The following TDRD7 variants were observed in gnomAD, a reference collection of about 807,000 sequenced individuals.
TDRD7 encodes tudor domain-containing protein 7.
In TDRD7, 47 loss-of-function variants were observed where a neutral mutation model predicts 109.8. The observed-to-expected ratio is 0.43, with a 90% CI of 0.34 to 0.55. TDRD7 has a LOEUF of 0.55. TDRD7 is among the 20% of genes least tolerant of loss of function. TDRD7 has a pLI of 0.03. For missense variants in TDRD7, 1,164 were observed against 1,319.2 expected, an observed-to-expected ratio of 0.88 and a Z score of 1.82; for synonymous variants, 424 against 457.3, an observed-to-expected ratio of 0.93 and a Z score of 0.93.
intron 8 of TDRD7, among the ~76,000 whole-genome samples, chr9:97,469,975 T>C (rs777110090): frequency 7.2e-5 from 11 of 152,154 alleles, no homozygotes; most frequent in Non-Finnish European, 1.5e-4. Context: ...GCCTGTTTTT[T>C]AGTTTAGAAT....
chr9:97,487,410 A>C (rs1829230115), intron 16 of TDRD7, 78 bp downstream of exon 16: 7 of 1,593,400 alleles, frequency 4.4e-6, no homozygotes, highest in Non-Finnish European at 6.0e-6. Flanking sequence ...GCAAGTACTG[A>C]ATCATTGGCC....
At chr9:97,444,588 G>A (rs1399757483) in intron 6 of TDRD7, among the ~76,000 whole-genome samples, 2 of 152,216 alleles carry the variant, frequency 1.3e-5, no homozygotes, top group Admixed American at 6.5e-5. Flanking sequence ...TCTCAAGGCA[G>A]TGCAAAAAGT....
chr9:97,483,389 G>A (rs1829156888), intron 15 of TDRD7, 38 bp downstream of exon 15: 1 of 1,608,038 alleles, frequency 6.2e-7, no homozygotes, highest in South Asian at 1.1e-5. Context: ...CTACTCCTAA[G>A]AAAAATGTGT....
chr9:97,485,298 T>G (rs1829193980), intron 15 of TDRD7, among the ~76,000 whole-genome samples: 1 of 152,194 alleles, frequency 6.6e-6, no homozygotes, highest in South Asian at 2.1e-4. Context: ...CAGGTGGAGC[T>G]CCAGAATCTG....
intron 15 of TDRD7, among the ~76,000 whole-genome samples, chr9:97,485,211 A>G (rs890719917): frequency 2.0e-5 from 3 of 152,224 alleles, no homozygotes; most frequent in Non-Finnish European, 4.4e-5. Flanking sequence ...CTATCGCAGC[A>G]TAAGAACAAC....
chr9:97,461,397 C>G (rs1012111146), intron 7 of TDRD7, among the ~76,000 whole-genome samples: 2 of 152,200 alleles, frequency 1.3e-5, no homozygotes, highest in Non-Finnish European at 2.9e-5. Context: ...TATTTATAAT[C>G]TGGGACTATG....
intron 1 of TDRD7, among the ~76,000 whole-genome samples, chr9:97,413,866 G>A (rs752044622): frequency 2.0e-5 from 3 of 152,210 alleles, no homozygotes; most frequent in Non-Finnish European, 2.9e-5. Context: ...CCTTTTAAGT[G>A]TACAGGTTGA....
At chr9:97,476,431 T>C (rs889114755) in intron 12 of TDRD7, among the ~76,000 whole-genome samples, 3 of 152,016 alleles carry the variant, frequency 2.0e-5, no homozygotes, top group Admixed American at 6.6e-5. Context: ...CTCCCTCTCT[T>C]CATCTAGTTT....
chr9:97,441,815 T>C lies in TDRD7; in HGVS notation c.795T>C (p.Tyr265=). 2.5e-6 allele frequency: 4 copies of C among 1,613,796 alleles called. No homozygotes were observed. In the South Asian group the frequency reaches 4.4e-5, roughly 18 times the overall value. ...TTCCACATTTTTACAAAGAGTTATA[T>C]AAAGAAGACCTTAATCAAGGAATTT... ...SKLPHFYKEL[Y]KEDLNQGILQ... The change falls in exon 6 of 17, where the codon TAT becomes TAC. Residue 265 remains tyrosine, a synonymous_variant. Coordinates refer to ENST00000355295, the MANE Select transcript of TDRD7 (RefSeq NM_014290.3).
chr9:97,434,125 A>G (rs1446850475), intron 4 of TDRD7, among the ~76,000 whole-genome samples: 1 of 152,198 alleles, frequency 6.6e-6, no homozygotes, highest in African/African-American at 2.4e-5. Context: ...TCCATTAATG[A>G]ATGAATGGAT....
chr9:97,483,918 AT>A, intron 15 of TDRD7, among the ~76,000 whole-genome samples: 1 of 152,302 alleles, frequency 6.6e-6, no homozygotes, highest in East Asian at 1.9e-4. Flanking sequence ...TTTAATCATG[AT>A]ATACAGAATT....
At chr9:97,452,949 G>A (rs572669433) in intron 6 of TDRD7, among the ~76,000 whole-genome samples, 3 of 152,232 alleles carry the variant, frequency 2.0e-5, no homozygotes, top group South Asian at 4.1e-4. Context: ...CACATCTAAG[G>A]CACAGATGGA....
intron 3 of TDRD7, among the ~76,000 whole-genome samples, chr9:97,431,672 C>G (rs548649868): frequency 1.3e-3 from 198 of 152,150 alleles, no homozygotes; most frequent in Non-Finnish European, 2.6e-3. Flanking sequence ...GGAGACTTGA[C>G]CCCAGACCGC....
chr9:97,413,340 A>G (rs1827754964), intron 1 of TDRD7, among the ~76,000 whole-genome samples: 1 of 152,206 alleles, frequency 6.6e-6, no homozygotes, highest in Non-Finnish European at 1.5e-5. Context: ...TCATTTTACA[A>G]ATTGTGTGAT....
At chr9:97,469,137 G>A (rs1327735977) in intron 8 of TDRD7, among the ~76,000 whole-genome samples, 1 of 152,150 alleles carries the variant, frequency 6.6e-6, no homozygotes, top group South Asian at 2.1e-4. Context: ...GTCAGACCAC[G>A]TTACCTCCAT....
In TDRD7 at chr9:97,460,942, C is replaced by T. The variant is rs182931986; in HGVS notation, c.1442+178C>T. On this transcript the variant is annotated intron_variant, in intron 7 of 16. Coordinates refer to ENST00000355295, the MANE Select transcript of TDRD7 (RefSeq NM_014290.3). ...GGATCACAAGGTCAGGAGATCGAGA[C>T]CATCCTGGCTAACATGGCGAAACCC... Among the ~76,000 whole-genome samples the T allele has an allele frequency of 1.3e-3, 198 of 152,200 alleles. 1 individual carries two copies. Among genetic ancestry groups the T allele is most frequent in the Non-Finnish European group, 2.1e-3 (143 of 68,026 alleles).
chr9:97,419,888 C>T (rs1827870148), intron 1 of TDRD7, among the ~76,000 whole-genome samples: 1 of 152,060 alleles, frequency 6.6e-6, no homozygotes, highest in Non-Finnish European at 1.5e-5. Flanking sequence ...GATTGAAATC[C>T]TAGCTTATCT....
intron 9 of TDRD7, among the ~76,000 whole-genome samples, chr9:97,471,316 T>A (rs1470222960): frequency 2.0e-5 from 3 of 152,166 alleles, no homozygotes; most frequent in Non-Finnish European, 4.4e-5. Flanking sequence ...TGATCATAAT[T>A]ATTTCATGAA....
chr9:97,433,463 AT>A (rs1250963002), intron 4 of TDRD7, among the ~76,000 whole-genome samples: 3 of 152,016 alleles, frequency 2.0e-5, no homozygotes, highest in Non-Finnish European at 4.4e-5. Flanking sequence ...ATTTTGAATG[AT>A]TTTTTTGGAT....
Sources: allele counts gnomAD v4.1 joint callset (sites outside exome capture counted in the v4.1 genomes callset), GRCh38; gene constraint gnomAD v4.1.1; transcripts MANE v1.5; gene names NCBI Gene and HGNC (gene_info 2026-07-23, HGNC 2026-07-21).